PJA2: variants seen among roughly 807,000 people sequenced by gnomAD.
The protein encoded by PJA2 is praja ring finger ubiquitin ligase 2, also known as E3 ubiquitin-protein ligase Praja-2.
In PJA2, 25 loss-of-function variants were observed where a neutral mutation model predicts 69.3. That is an observed-to-expected ratio of 0.36 (90% CI 0.26 to 0.50). PJA2 has a LOEUF of 0.50. PJA2 is among the 20% of genes least tolerant of loss of function. The probability of loss-of-function intolerance (pLI) is 0.96; values close to 1 mark genes in which losing one functional copy is unlikely to be tolerated. For synonymous variants in PJA2, 308 were observed against 277.8 expected, an observed-to-expected ratio of 1.11 and a Z score of -1.08; for missense variants, 809 against 830.2, an observed-to-expected ratio of 0.97 and a Z score of 0.31.
At chr5:109,391,209 G>C (rs1747273598) in intron 1 of PJA2, among the ~76,000 whole-genome samples, 1 of 152,066 alleles carries the variant, frequency 6.6e-6, no homozygotes, top group African/African-American at 2.4e-5. Flanking sequence ...CATGTCCATG[G>C]TTGTTATCTT....
At chr5:109,339,221 A>C (rs1428030541) in intron 9 of PJA2, among the ~76,000 whole-genome samples, 1 of 152,254 alleles carries the variant, frequency 6.6e-6, no homozygotes, top group African/African-American at 2.4e-5. Context: ...AGGGAAGTAC[A>C]TTATCAGAAC....
At chr5:109,353,606 T>C (rs570174752) in intron 7 of PJA2, among the ~76,000 whole-genome samples, 133 of 140,394 alleles carry the variant, frequency 9.5e-4, no homozygotes, top group Non-Finnish European at 1.7e-3. Context: ...TATAATATCA[T>C]AGACATCTAT....
intron 1 of PJA2, among the ~76,000 whole-genome samples, 200 bp from the exon 2 acceptor site, chr5:109,383,720 C>G (rs1747100109): frequency 6.6e-6 from 1 of 152,194 alleles, no homozygotes; most frequent in African/African-American, 2.4e-5. Flanking sequence ...TCAGTTTGAG[C>G]TCAGGAATTC....
chr5:109,405,619 CAA>C (rs756056035), intron 1 of PJA2, among the ~76,000 whole-genome samples: 8 of 152,102 alleles, frequency 5.3e-5, no homozygotes, highest in Non-Finnish European at 8.8e-5. Context: ...TGACTTTTGA[CAA>C]AGTTAATTCA....
Position 109,378,633 on chromosome 5 carries a change from T to A in PJA2, c.854A>T (p.Asp285Val), listed in dbSNP as rs1342862503. The A allele has an allele frequency of 6.2e-7, 1 of 1,614,182 alleles. No individual in the cohort carries two copies. The highest frequency in any genetic ancestry group is 8.5e-7 in the Non-Finnish European group (1 of 1,180,020). ...AATATGCCCTGGACCACAGGCTGCA[T>A]CTTCAGGTGAATGTTCTGTCTGTCT... ...QERQTEHSPE[D>V]AACGPGHICS... Residue 285 changes from aspartate to valine, a missense_variant, in exon 4 of 10, where the codon GAT becomes GTT. This residue lies in a region of PJA2 where 700 missense variants were observed against 639.5 expected (regional missense o/e 1.09). Coordinates refer to ENST00000361189, the MANE Select transcript of PJA2 (RefSeq NM_014819.5).
At chr5:109,340,049 T>C (rs1046663225) in intron 9 of PJA2, among the ~76,000 whole-genome samples, 1 of 152,216 alleles carries the variant, frequency 6.6e-6, no homozygotes, top group Non-Finnish European at 1.5e-5. Context: ...ATTATCTCTA[T>C]GCAGACAATA....
chr5:109,382,390 C>G (rs1490908350), intron 2 of PJA2, among the ~76,000 whole-genome samples: 1 of 152,138 alleles, frequency 6.6e-6, no homozygotes, highest in East Asian at 1.9e-4. Context: ...GTTTTGTTGA[C>G]TGAGGGGTAT....
intron 1 of PJA2, among the ~76,000 whole-genome samples, chr5:109,400,913 G>A (rs1747529976): frequency 6.6e-6 from 1 of 152,268 alleles, no homozygotes; most frequent in South Asian, 2.1e-4. Flanking sequence ...AACCTGGGAG[G>A]CAGAGCTTGC....
chr5:109,390,485 T>C (rs1043989955), intron 1 of PJA2, among the ~76,000 whole-genome samples: 1 of 152,052 alleles, frequency 6.6e-6, no homozygotes, highest in East Asian at 1.9e-4. Context: ...GCTTTTCTTA[T>C]AAATAGAATA....
At chr5:109,355,542 T>C in intron 7 of PJA2, among the ~76,000 whole-genome samples, 1 of 152,092 alleles carries the variant, frequency 6.6e-6, no homozygotes. Flanking sequence ...TTAGAAGCCA[T>C]GAGAAAAAAA....
chr5:109,370,599 T>C (rs1484862000), intron 4 of PJA2, among the ~76,000 whole-genome samples: 1 of 152,212 alleles, frequency 6.6e-6, no homozygotes, highest in Admixed American at 6.5e-5. Flanking sequence ...GTTCCTTGTA[T>C]GCTGTACAAT....
chr5:109,399,858 T>C (rs775355904), intron 1 of PJA2, among the ~76,000 whole-genome samples: 1 of 151,820 alleles, frequency 6.6e-6, no homozygotes, highest in Non-Finnish European at 1.5e-5. Flanking sequence ...AGCACAAAGG[T>C]AGGAACATGC....
At chr5:109,408,496 A>G (rs1014341216) in intron 1 of PJA2, among the ~76,000 whole-genome samples, 4 of 152,204 alleles carry the variant, frequency 2.6e-5, no homozygotes, top group Admixed American at 1.3e-4. Flanking sequence ...TCAATAAGCA[A>G]GCGGTATGCA....
intron 7 of PJA2, among the ~76,000 whole-genome samples, chr5:109,349,822 C>T (rs906664928): frequency 1.3e-5 from 2 of 152,154 alleles, no homozygotes; most frequent in African/African-American, 4.8e-5. Flanking sequence ...TCCCTTGTTA[C>T]TCTACTTCTT....
chr5:109,352,440 G>A (rs1002458575), intron 7 of PJA2, among the ~76,000 whole-genome samples: 1 of 152,134 alleles, frequency 6.6e-6, no homozygotes, highest in Non-Finnish European at 1.5e-5. Context: ...TTAGCACAAC[G>A]AAATGAGTGA....
intron 5 of PJA2, among the ~76,000 whole-genome samples, chr5:109,365,913 T>C (rs1253804193): frequency 6.6e-6 from 1 of 152,212 alleles, no homozygotes; most frequent in Non-Finnish European, 1.5e-5. Context: ...CTTGAAGGTT[T>C]TCTCAATTTC....
chr5:109,386,459 T>G (rs1747160080), intron 1 of PJA2, among the ~76,000 whole-genome samples: 1 of 152,154 alleles, frequency 6.6e-6, no homozygotes, highest in South Asian at 2.1e-4. Flanking sequence ...ATCACCCTGT[T>G]TCTTAAACTT....
chr5:109,356,474 C>T (rs189878407), intron 6 of PJA2, among the ~76,000 whole-genome samples: 313 of 152,222 alleles, frequency 2.1e-3, no homozygotes, highest in African/African-American at 7.3e-3. Flanking sequence ...GGATGCTCAA[C>T]TGGAAGTATA....
At chr5:109,355,129 T>C (rs1172183771) in intron 7 of PJA2, among the ~76,000 whole-genome samples, 1 of 151,980 alleles carries the variant, frequency 6.6e-6, no homozygotes, top group Non-Finnish European at 1.5e-5. Context: ...GTCTCAAAAA[T>C]AAATAAATAT....
Sources: allele counts gnomAD v4.1 joint callset (sites outside exome capture counted in the v4.1 genomes callset), GRCh38; gene constraint gnomAD v4.1.1; regional missense constraint gnomAD v4.1.1; transcripts MANE v1.5; gene names NCBI Gene and HGNC (gene_info 2026-07-23, HGNC 2026-07-21).